The following QTRT2 variants were observed in gnomAD, a reference collection of about 807,000 sequenced individuals.
The protein encoded by QTRT2 is queuine tRNA-ribosyltransferase domain containing 1.
A neutral mutation model predicts 44.8 loss-of-function variants in QTRT2; 32 were observed. The ratio of observed to expected loss-of-function variants is 0.71; its 90% CI spans 0.54 to 0.96. The LOEUF is 0.96. Among genes scored for constraint, QTRT2 ranks in the 40% least tolerant of loss-of-function variants. The pLI is 0.00. For missense variants in QTRT2, 461 were observed against 503.1 expected (o/e 0.92, Z 0.80); for synonymous variants, 182 against 187.4 (o/e 0.97, Z 0.24).
chr3:114,083,971 C>G (rs191599189), intron 9 of QTRT2, among the ~76,000 whole-genome samples: 1 of 152,032 alleles, frequency 6.6e-6, no homozygotes, highest in East Asian at 1.9e-4. Flanking sequence ...TTATTATCAG[C>G]ACTAGACTTA....
At position 114,071,474 on chromosome 3, in the gene QTRT2, T is replaced by C. The variant is rs149371559; in HGVS notation, c.546+636T>C. 5.8e-3 allele frequency among the ~76,000 whole-genome samples: 878 copies of C among 152,244 alleles called. 11 individuals carry two copies. The highest frequency in any genetic ancestry group is 0.02 in the African/African-American group (847 of 41,536). ...CCATCACACCCGGCTAATTTTTGTA[T>C]TTTTAGTAGAGACCGGGTTTCACCA... On this transcript the variant is annotated intron_variant, in intron 6 of 9. Coordinates refer to ENST00000281273, the MANE Select transcript of QTRT2 (RefSeq NM_024638.4).
In QTRT2 at chr3:114,087,978, T is replaced by C. The variant is rs917018903; in HGVS notation, c.*2074T>C. On this transcript the variant is annotated 3_prime_UTR_variant, in exon 10 of 10. Transcript: ENST00000281273. ...ATTACCCATCTACATGGTTTTCTTT[T>C]TCTTAGTATGGGAGTGTCCATGAAT... is the stretch of plus-strand genomic sequence containing the variant. 2.6e-5 allele frequency: 4 copies of C among 152,214 alleles called. No individual in the cohort carries two copies. The highest frequency in any genetic ancestry group is 2.6e-4 in the Admixed American group (4 of 15,272). The allele number at this position is 152,214 out of a possible 1,614,324, so 9.4% of individuals were successfully genotyped here.
chr3:114,059,016 T>G (rs2076847901), intron 2 of QTRT2, among the ~76,000 whole-genome samples: 1 of 152,220 alleles, frequency 6.6e-6, no homozygotes, highest in Non-Finnish European at 1.5e-5. Flanking sequence ...AATATGACCA[T>G]CTTTTGCCTT....
intron 4 of QTRT2, 121 bp from the exon 5 acceptor site, chr3:114,067,866 C>T (rs745665489): frequency 4.1e-6 from 3 of 739,810 alleles, no homozygotes; most frequent in Non-Finnish European, 4.8e-6. Flanking sequence ...CAGATACAAC[C>T]TATTGACAGT....
At chr3:114,079,059 CA>C (rs2077129682) in intron 7 of QTRT2, 1 of 151,996 alleles carries the variant, frequency 6.6e-6, no homozygotes, top group Admixed American at 6.6e-5. Flanking sequence ...AGGCAAAATA[CA>C]GTTAAAACAA....
chr3:114,076,772 G>T lies in QTRT2; in HGVS notation c.576G>T (p.Val192=), dbSNP rs2077096389. The part of the protein sequence containing the change: ...EVLQKSVIIG[V]IEGGDVMEER... ...TTCAGAAGAGTGTGATCATTGGAGT[G>T]ATTGAAGGTGGAGATGTGATGGAAG... is the stretch of plus-strand genomic sequence containing the variant. The change falls in exon 7 of 10, where the codon GTG becomes GTT. Residue 192 remains valine, a synonymous_variant. Transcript: ENST00000281273. 2 of 1,614,212 alleles carry T rather than the reference G, an allele frequency of 1.2e-6. No individual in the cohort carries two copies. The highest frequency in any genetic ancestry group is 2.7e-5 in the African/African-American group (2 of 75,054).
rs112996087 is a variant in QTRT2 at position 114,076,825 on chromosome 3, C to T, written c.629C>T (p.Ala210Val). 2.0e-4 allele frequency: 328 copies of T among 1,614,166 alleles called. 1 individual carries two copies. In the African/African-American group the frequency reaches 3.9e-3, roughly 19 times the overall value. ...EERLRSARET[A>V]KRPVGGFLLD... ...AGGCTGAGGTCAGCACGAGAGACAG[C>T]CAAGCGGCCTGTGGGTGGCTTCCTT... The change falls in exon 7 of 10, where the codon GCC (alanine) becomes GTC (valine). Residue 210 changes from alanine to valine, a missense_variant. Coordinates refer to ENST00000281273, the MANE Select transcript of QTRT2 (RefSeq NM_024638.4).
At position 114,087,108 on chromosome 3, in the gene QTRT2, A is replaced by G. The variant is rs891555886; in HGVS notation, c.*1204A>G. The G allele has an allele frequency of 2.0e-5, 3 of 152,214 alleles. No individual in the cohort carries two copies. The highest frequency in any genetic ancestry group is 7.2e-5 in the African/African-American group (3 of 41,450). 9.4% of individuals were successfully genotyped at this position (152,214 alleles called of 1,614,324 possible). Reference sequence around the variant, plus strand: ...ATTTTTCAAGTTTTCTATAAGGAATACACATACACCCACATGCACACACCA... The same window carrying G: ...ATTTTTCAAGTTTTCTATAAGGAATGCACATACACCCACATGCACACACCA... On this transcript the variant is annotated 3_prime_UTR_variant, in exon 10 of 10. Coordinates refer to ENST00000281273, the MANE Select transcript of QTRT2 (RefSeq NM_024638.4).
In QTRT2 at chr3:114,082,709, A is replaced by G. The variant is rs1324680014; in HGVS notation, c.931A>G (p.Lys311Glu). ...LQQNGTQEEI[K>E]CMDQIKKIET... ...ACAAAATGGAACACAAGAAGAAATAAAATGTATGGATCAAATAAAGAAAAT... is the reference window on the plus strand; with the variant it reads ...ACAAAATGGAACACAAGAAGAAATAGAATGTATGGATCAAATAAAGAAAAT... Residue 311 changes from lysine to glutamate, a missense_variant, in exon 9 of 10, where the codon AAA becomes GAA. Physicochemically the swap from Lys to Glu is moderately conservative, Grantham distance 56 (BLOSUM62 1). Coordinates refer to ENST00000281273, the MANE Select transcript of QTRT2 (RefSeq NM_024638.4). 5 of 1,515,248 alleles carry G rather than the reference A, an allele frequency of 3.3e-6. No individual in the cohort carries two copies. The South Asian group carries it at 6.1e-5, about 18-fold the overall frequency. The allele number at this position is 1,515,248 out of a possible 1,614,324, so 93.9% of individuals were successfully genotyped here.
At position 114,085,614 on chromosome 3, in the gene QTRT2, A is replaced by C. The variant is rs1022424953; in HGVS notation, c.1017-59A>C. On this transcript the variant is annotated intron_variant, in intron 9 of 9. Transcript: ENST00000281273. ...ACTTTACCAGCAGAATAGATAGCTG[A>C]GGTTGTGGATTTCTTGTATTCCGTA... The C allele has an allele frequency of 5.9e-6, 8 of 1,367,220 alleles. No homozygotes were observed. The African/African-American group carries it at 1.1e-4, about 19-fold the overall frequency. 84.7% of individuals were successfully genotyped at this position (1,367,220 alleles called of 1,614,324 possible).
intron 2 of QTRT2, among the ~76,000 whole-genome samples, chr3:114,064,966 G>A (rs1156965484): frequency 6.6e-6 from 1 of 152,050 alleles, no homozygotes; most frequent in Non-Finnish European, 1.5e-5. Context: ...TCTTTCATTT[G>A]TTTGGTTTTC....
chr3:114,083,314 CTGTTGTTGTTGTTGT>C (rs56306334), intron 9 of QTRT2, among the ~76,000 whole-genome samples: 7 of 150,184 alleles, frequency 4.7e-5, no homozygotes, highest in South Asian at 2.1e-4. Flanking sequence ...GTTGCTGCTG[CTGTTGTTGTTGTTGT>C]TGTTGTTGTT....
intron 4 of QTRT2, 118 bp downstream of exon 4, chr3:114,066,401 A>G (rs1490564901): frequency 1.6e-6 from 1 of 642,432 alleles, no homozygotes; most frequent in Non-Finnish European, 2.8e-6. Flanking sequence ...AATAAGTATT[A>G]TTTGAACATC....
chr3:114,062,897 T>C (rs2076906744), intron 2 of QTRT2, among the ~76,000 whole-genome samples: 1 of 152,228 alleles, frequency 6.6e-6, no homozygotes, highest in East Asian at 1.9e-4. Context: ...TGTGTGTACA[T>C]TTAAACTCTT....
At position 114,087,446 on chromosome 3, in the gene QTRT2, T is replaced by C. The variant is rs974731283; in HGVS notation, c.*1542T>C. The C allele has an allele frequency of 6.6e-6, 1 of 152,162 alleles. No homozygotes were observed. The highest frequency in any genetic ancestry group is 1.5e-5 in the Non-Finnish European group (1 of 68,082). 9.4% of individuals were successfully genotyped at this position (152,162 alleles called of 1,614,324 possible). A position where few individuals can be genotyped will look rare whatever the true frequency, so the allele number is the denominator to read the frequency against. On this transcript the variant is annotated 3_prime_UTR_variant, in exon 10 of 10. Transcript: ENST00000281273. ...CAGGCTGGAGTGCAGTGGCGCGATC[T>C]CGGCTCTATGCAACCTCCACCTCCT... is the stretch of plus-strand genomic sequence containing the variant.
intron 5 of QTRT2, among the ~76,000 whole-genome samples, chr3:114,069,982 A>G (rs1396805171): frequency 1.3e-5 from 2 of 152,214 alleles, no homozygotes; most frequent in Non-Finnish European, 2.9e-5. Flanking sequence ...GAATGGTGTA[A>G]TAAGTGCTAT....
rs978267006 is a variant in QTRT2, at chr3:114,082,713, G to A, written c.935G>A (p.Cys312Tyr). ...QQNGTQEEIKCMDQIKKIETT... is the reference protein window; with the variant it reads ...QQNGTQEEIKYMDQIKKIETT... ...AATGGAACACAAGAAGAAATAAAAT[G>A]TATGGATCAAATAAAGAAAATTGAA... Residue 312 changes from cysteine (C) to tyrosine (Y), a missense_variant, in exon 9 of 10, where the codon TGT becomes TAT. By Grantham distance (194) the Cys-to-Tyr change is radical. Transcript: ENST00000281273. 11 of 1,521,452 alleles carry A rather than the reference G, an allele frequency of 7.2e-6. No individual in the cohort carries two copies. In the African/African-American group the frequency reaches 1.1e-4, roughly 15 times the overall value. 94.2% of individuals were successfully genotyped at this position (1,521,452 alleles called of 1,614,324 possible).
rs1475185678 is a variant in QTRT2 at position 114,070,551 on chromosome 3, CTTTATCATTTTAATTA to C, written c.334-71_334-56del. On this transcript the variant is annotated intron_variant, in intron 5 of 9. Transcript: ENST00000281273. ...CTGCAGTTGTAAAGAAGAATTATTG[CTTTATCATTTTAATTA>C]TTTTATTTTTATTTGCATTTTACTC... is the stretch of plus-strand genomic sequence containing the variant. 3 of 1,285,124 alleles carry C rather than the reference CTTTATCATTTTAATTA, an allele frequency of 2.3e-6. No individual in the cohort carries two copies. In the Admixed American group the frequency reaches 5.2e-5, roughly 22 times the overall value. The allele number at this position is 1,285,124 out of a possible 1,614,324, so 79.6% of individuals were successfully genotyped here.
intron 7 of QTRT2, chr3:114,078,220 G>C (rs1379050690): frequency 2.0e-5 from 3 of 152,134 alleles, no homozygotes; most frequent in African/African-American, 7.2e-5. Flanking sequence ...TAACACTTCA[G>C]CACCAGTATT....
Sources: allele counts gnomAD v4.1 joint callset (sites outside exome capture counted in the v4.1 genomes callset), GRCh38; gene constraint gnomAD v4.1.1; transcripts MANE v1.5; gene names NCBI Gene and HGNC (gene_info 2026-07-23, HGNC 2026-07-21).